The following NXPE2 variants were observed in gnomAD, a reference collection of about 807,000 sequenced individuals.
The protein encoded by NXPE2 is NXPE family member 2.
A neutral mutation model predicts 34.4 loss-of-function variants in NXPE2; 34 were observed. That is an observed-to-expected ratio of 0.99 (90% CI 0.75 to 1.31). The LOEUF (loss-of-function observed/expected upper bound fraction) is 1.31. NXPE2 is among the 40% of genes most tolerant of loss of function. The pLI is 0.00. For missense variants in NXPE2, 649 were observed against 672.5 expected, an observed-to-expected ratio of 0.97 and a Z score of 0.39; for synonymous variants, 235 against 231.3, an observed-to-expected ratio of 1.02 and a Z score of -0.15.
At chr11:114,624,947 G>A in the NXPE2 span, among the ~76,000 whole-genome samples, 16 of 148,068 alleles carry the variant, frequency 1.1e-4, no homozygotes, top group African/African-American at 3.7e-4. Flanking sequence ...GTGTTGCCTC[G>A]TGAGTAACCA....
At chr11:114,738,759 C>T in the NXPE2 span, among the ~76,000 whole-genome samples, 1 of 152,138 alleles carries the variant, frequency 6.6e-6, no homozygotes, top group Non-Finnish European at 1.5e-5. Context: ...AGATCAGAGT[C>T]TTAGGCCAGC....
At chr11:114,531,738 T>C in the NXPE2 span, among the ~76,000 whole-genome samples, 1 of 152,104 alleles carries the variant, frequency 6.6e-6, no homozygotes, top group Admixed American at 6.5e-5. Flanking sequence ...CTTTCTCCTC[T>C]TCCTGGATTG....
chr11:114,519,999 A>G, the NXPE2 span, among the ~76,000 whole-genome samples: 1 of 119,278 alleles, frequency 8.4e-6, no homozygotes, highest in Non-Finnish European at 1.7e-5. Flanking sequence ...TATTTTTAGT[A>G]AAGACGGGGT....
chr11:114,532,459 C>T, the NXPE2 span, among the ~76,000 whole-genome samples: 1 of 151,918 alleles, frequency 6.6e-6, no homozygotes, highest in South Asian at 2.1e-4. Context: ...TAATATATAA[C>T]AGTAAGAATA....
the NXPE2 span, among the ~76,000 whole-genome samples, chr11:114,654,877 A>T: frequency 6.6e-6 from 1 of 152,106 alleles, no homozygotes; most frequent in Admixed American, 6.5e-5. Flanking sequence ...CTGGTTCTAG[A>T]TCCTTGAGGA....
At chr11:114,599,600 G>A in the NXPE2 span, among the ~76,000 whole-genome samples, 1 of 152,176 alleles carries the variant, frequency 6.6e-6, no homozygotes, top group Non-Finnish European at 1.5e-5. Context: ...TATACAGGGA[G>A]CATGGTAGCT....
the NXPE2 span, among the ~76,000 whole-genome samples, chr11:114,641,098 T>G: frequency 6.6e-6 from 1 of 151,922 alleles, no homozygotes; most frequent in African/African-American, 2.4e-5. Flanking sequence ...GTATAATAAC[T>G]GAAGTAAATA....
the NXPE2 span, among the ~76,000 whole-genome samples, chr11:114,495,464 C>T: frequency 4.6e-5 from 7 of 151,940 alleles, no homozygotes; most frequent in East Asian, 1.4e-3. Context: ...GGTCTCTCCT[C>T]ATGGCCGCCC....
At chr11:114,503,671 G>A in the NXPE2 span, among the ~76,000 whole-genome samples, 3 of 152,174 alleles carry the variant, frequency 2.0e-5, no homozygotes, top group African/African-American at 7.2e-5. Flanking sequence ...CAAGAGATAC[G>A]ATATTGAAGT....
chr11:114,681,005 C>T (rs1196801062), intron 2 of NXPE2, among the ~76,000 whole-genome samples: 2 of 152,112 alleles, frequency 1.3e-5, no homozygotes, highest in Admixed American at 6.6e-5. Flanking sequence ...TTTATCTCTC[C>T]AGTCTTAATA....
Position 114,688,434 on chromosome 11 carries a change from G to C in NXPE2, c.132+8672G>C, listed in dbSNP as rs556983755. 3.3e-5 allele frequency among the ~76,000 whole-genome samples: 5 copies of C among 152,162 alleles called. No homozygotes were observed. In the South Asian group the frequency reaches 8.3e-4, roughly 25 times the overall value. ...ACCATCCTTGCATCCCTGGAATAAA[G>C]CCCACTTAATTGTGGCGAATTAACT... On this transcript the variant is annotated intron_variant, in intron 2 of 5. Coordinates refer to ENST00000389586, the MANE Select transcript of NXPE2 (RefSeq NM_182495.6).
chr11:114,514,418 A>G, the NXPE2 span, among the ~76,000 whole-genome samples: 1 of 152,088 alleles, frequency 6.6e-6, no homozygotes, highest in Non-Finnish European at 1.5e-5. Context: ...TTGAGACAGG[A>G]CCACTCTATT....
chr11:114,654,485 C>T, the NXPE2 span, among the ~76,000 whole-genome samples: 1 of 152,068 alleles, frequency 6.6e-6, no homozygotes, highest in South Asian at 2.1e-4. Context: ...ACCCCAACCC[C>T]CAACAGGCTC....
the NXPE2 span, among the ~76,000 whole-genome samples, chr11:114,621,885 G>T: frequency 1.3e-5 from 2 of 151,884 alleles, no homozygotes; most frequent in South Asian, 4.1e-4. Context: ...TGGATAATAA[G>T]TATTGATTTG....
chr11:114,792,198 C>A, the NXPE2 span, among the ~76,000 whole-genome samples: 2 of 152,188 alleles, frequency 1.3e-5, no homozygotes, highest in Non-Finnish European at 2.9e-5. Flanking sequence ...AAAAGGGGTA[C>A]TCAGAGCCCC....
the NXPE2 span, among the ~76,000 whole-genome samples, chr11:114,717,120 A>T: frequency 6.6e-6 from 1 of 152,174 alleles, no homozygotes; most frequent in African/African-American, 2.4e-5. Flanking sequence ...GAGGCCTTTT[A>T]GACTGACGTA....
chr11:114,631,923 C>T, the NXPE2 span, among the ~76,000 whole-genome samples: 12 of 150,960 alleles, frequency 7.9e-5, no homozygotes, highest in Admixed American at 2.7e-4. Flanking sequence ...TACTGTTACC[C>T]GGTGGATAAT....
the NXPE2 span, among the ~76,000 whole-genome samples, chr11:114,562,743 G>C: frequency 6.6e-6 from 1 of 152,184 alleles, no homozygotes; most frequent in South Asian, 2.1e-4. Flanking sequence ...ACTCATATGA[G>C]TGGGAAGTCT....
chr11:114,634,756 C>A, the NXPE2 span, among the ~76,000 whole-genome samples: 9 of 151,946 alleles, frequency 5.9e-5, no homozygotes, highest in Non-Finnish European at 8.8e-5. Flanking sequence ...TCAGGTTTCT[C>A]AAAGATCAGA....
Sources: allele counts gnomAD v4.1 joint callset (sites outside exome capture counted in the v4.1 genomes callset), GRCh38; gene constraint gnomAD v4.1.1; transcripts MANE v1.5; gene names NCBI Gene and HGNC (gene_info 2026-07-23, HGNC 2026-07-21).